The following CACNG1 variants were observed in gnomAD, a reference collection of about 807,000 sequenced individuals.
CACNG1 encodes the protein voltage-dependent calcium channel gamma-1 subunit.
CACNG1 carries 21 observed loss-of-function variants against 22.0 expected under a neutral mutation model. That is an observed-to-expected ratio of 0.95 (90% CI 0.68 to 1.37). The LOEUF (loss-of-function observed/expected upper bound fraction) is 1.37. Ranked by LOEUF, CACNG1 falls within the 40% of genes most tolerant of loss-of-function variation. The pLI is 0.00. For synonymous variants in CACNG1, 127 were observed against 129.2 expected, an observed-to-expected ratio of 0.98 and a Z score of 0.12; for missense variants, 291 against 308.6, an observed-to-expected ratio of 0.94 and a Z score of 0.43.
At chr17:67,050,873 G>A (rs2035724127) in intron 1 of CACNG1, among the ~76,000 whole-genome samples, 1 of 152,188 alleles carries the variant, frequency 6.6e-6, no homozygotes, top group Admixed American at 6.5e-5. Flanking sequence ...AAACCGCTGA[G>A]TCTTACAGAA....
Position 67,056,219 on chromosome 17 carries a change from G to C in CACNG1, c.617G>C (p.Arg206Pro), listed in dbSNP as rs148226819. ...GCCCTCCTGCTGTTCTCCCTGCCTC[G>C]AATGCCCCGGAACCCATGGGAGTCC... ...GLALLLFSLP[R>P]MPRNPWESCM... Residue 206 changes from arginine to proline, a missense_variant, in exon 4 of 4, where the codon CGA (arginine) becomes CCA (proline). Physicochemically the swap from Arg to Pro is moderately radical, Grantham distance 103. Transcript: ENST00000226021. This position sits in a 1 kb window ranked among gnomAD's most constrained non-coding sequence, Gnocchi z 4.3. 3,083 of 1,613,844 alleles carry C rather than the reference G, an allele frequency of 1.9e-3. 50 individuals are homozygous for C. In the African/African-American group the frequency reaches 0.034, roughly 18 times the overall value.
At chr17:67,048,555 G>A (rs2035710947) in intron 1 of CACNG1, among the ~76,000 whole-genome samples, 1 of 152,052 alleles carries the variant, frequency 6.6e-6, no homozygotes, top group Non-Finnish European at 1.5e-5. Context: ...ATGATAAGGG[G>A]CATACATGGG....
chr17:67,044,880 C>T lies in CACNG1; in HGVS notation c.220C>T (p.Leu74=), dbSNP rs1352863092. The T allele has an allele frequency of 6.2e-7, 1 of 1,612,356 alleles. No homozygotes were observed. Among genetic ancestry groups the T allele is most frequent in the Non-Finnish European group, 8.5e-7 (1 of 1,179,582 alleles). The change falls in exon 1 of 4, where the codon CTG becomes TTG. Residue 74 remains leucine, a synonymous_variant. Coordinates refer to ENST00000226021, the MANE Select transcript of CACNG1 (RefSeq NM_000727.4). The surrounding 1 kb of genome is among the most constrained non-coding windows in gnomAD (Gnocchi z 6.9). ...DDSKTCGPIT[L]PGEKNCSYFR... is the part of the protein sequence containing the mutation. ...CAGCAAGACCTGCGGGCCCATCACC[C>T]TGCCCGGGGGTAACGTACCCACCCT...
At position 67,044,626 on chromosome 17, in the gene CACNG1, A is replaced by C. The variant is rs1158008587; in HGVS notation, c.-35A>C. On this transcript the variant is annotated 5_prime_UTR_variant, in exon 1 of 4. Transcript: ENST00000226021. This position sits in a 1 kb window ranked among gnomAD's most constrained non-coding sequence, Gnocchi z 6.9. The stretch of plus-strand genomic sequence containing the variant: ...CTGCCCTAGGAGACGCAGCCGCCGG[A>C]CCCTGCCCAGGGCACCCACGCCTCG... 6.8e-7 allele frequency: 1 copy of C among 1,465,654 alleles called. No homozygotes were observed. Among genetic ancestry groups the C allele is most frequent in the South Asian group, 1.1e-5 (1 of 87,954 alleles). The allele number at this position is 1,465,654 out of a possible 1,614,324, so 90.8% of individuals were successfully genotyped here.
intron 1 of CACNG1, among the ~76,000 whole-genome samples, chr17:67,047,424 A>G (rs2143408891): frequency 6.6e-6 from 1 of 152,258 alleles, no homozygotes; most frequent in Non-Finnish European, 1.5e-5. Flanking sequence ...TCCCTTTCCC[A>G]GCTCTGTGGT....
intron 1 of CACNG1, among the ~76,000 whole-genome samples, chr17:67,052,067 T>A (rs1400145532): frequency 6.6e-6 from 1 of 152,218 alleles, no homozygotes; most frequent in Admixed American, 6.5e-5. Context: ...TGGAGACTTA[T>A]GACATAGCAT....
Position 67,055,308 on chromosome 17 carries a change from C to G in CACNG1, c.442+68C>G. ...TGTCGCGGGGGATTCTCCGCTCCAC[C>G]CTCATGCCCACCGCGAGATTTGGGT... On this transcript the variant is annotated intron_variant, in intron 3 of 3. Transcript: ENST00000226021. The surrounding 1 kb of genome is among the most constrained non-coding windows in gnomAD (Gnocchi z 4.5). 6.5e-7 allele frequency: 1 copy of G among 1,528,000 alleles called. No individual in the cohort carries two copies. The highest frequency in any genetic ancestry group is 8.9e-7 in the Non-Finnish European group (1 of 1,123,896). 94.7% of individuals were successfully genotyped at this position (1,528,000 alleles called of 1,614,324 possible). A position where few individuals can be genotyped will look rare whatever the true frequency, so the allele number is the denominator to read the frequency against.
Position 67,054,986 on chromosome 17 carries a change from CACA to C in CACNG1, c.305-115_305-113del, listed in dbSNP as rs2143420384. 6.8e-6 allele frequency: 7 copies of C among 1,024,128 alleles called. No individual in the cohort carries two copies. Among genetic ancestry groups the C allele is most frequent in the Middle Eastern group, 2.2e-4 (1 of 4,526 alleles). The allele number at this position is 1,024,128 out of a possible 1,614,324, so 63.4% of individuals were successfully genotyped here. On this transcript the variant is annotated intron_variant, in intron 2 of 3. Transcript: ENST00000226021. This position sits in a 1 kb window ranked among gnomAD's most constrained non-coding sequence, Gnocchi z 4.6. ...CACAGAGACACACACTTGACACACA[CACA>C]ATGACACACACAGACACTGACACAC... is the stretch of plus-strand genomic sequence containing the variant.
intron 1 of CACNG1, among the ~76,000 whole-genome samples, chr17:67,052,393 C>T (rs539071758): frequency 6.6e-6 from 1 of 152,254 alleles, no homozygotes; most frequent in Non-Finnish European, 1.5e-5. Flanking sequence ...GAAGGAGGGG[C>T]ATGGTATGAG....
chr17:67,045,669 T>C (rs2035692914), intron 1 of CACNG1, among the ~76,000 whole-genome samples: 1 of 152,040 alleles, frequency 6.6e-6, no homozygotes, highest in South Asian at 2.1e-4. Flanking sequence ...ATTACAGGCA[T>C]GCACCACCAC....
intron 1 of CACNG1, among the ~76,000 whole-genome samples, chr17:67,046,220 C>T (rs990284826): frequency 5.3e-5 from 8 of 152,214 alleles, no homozygotes; most frequent in African/African-American, 1.2e-4. Context: ...ATCCCTTCCT[C>T]GGCTTACAGA....
In CACNG1 at chr17:67,054,247, G is replaced by A. The variant is rs1476573120; in HGVS notation, c.304+177G>A. 1.3e-5 allele frequency among the ~76,000 whole-genome samples: 2 copies of A among 152,184 alleles called. No individual in the cohort carries two copies. The highest frequency in any genetic ancestry group is 2.9e-5 in the Non-Finnish European group (2 of 68,036). ...CCCGCTCCGGAGGCCCCAGGCAGCCGCCTTCCATCTCCAGGGCCCGGAGCT... is the reference window on the plus strand; with the variant it reads ...CCCGCTCCGGAGGCCCCAGGCAGCCACCTTCCATCTCCAGGGCCCGGAGCT... On this transcript the variant is annotated intron_variant, in intron 2 of 3. Coordinates refer to ENST00000226021, the MANE Select transcript of CACNG1 (RefSeq NM_000727.4). This position sits in a 1 kb window ranked among gnomAD's most constrained non-coding sequence, Gnocchi z 4.6.
Position 67,055,929 on chromosome 17 carries a change from G to A in CACNG1, c.443-116G>A. 1.3e-6 allele frequency: 1 copy of A among 756,164 alleles called. No homozygotes were observed. Among genetic ancestry groups the A allele is most frequent in the Non-Finnish European group, 2.2e-6 (1 of 453,790 alleles). 46.8% of individuals were successfully genotyped at this position (756,164 alleles called of 1,614,324 possible). ...GGTTCCCATCTAGAACCTGCCTTGA[G>A]GCAGCTTTTCCCCCAAGGCAAGGTC... On this transcript the variant is annotated intron_variant, in intron 3 of 3. Transcript: ENST00000226021. This position sits in a 1 kb window ranked among gnomAD's most constrained non-coding sequence, Gnocchi z 4.5.
intron 1 of CACNG1, among the ~76,000 whole-genome samples, chr17:67,046,887 A>T (rs114805142): frequency 0.021 from 3,272 of 152,322 alleles, 45 homozygotes; most frequent in Non-Finnish European, 0.025. Flanking sequence ...GCCTGACAGG[A>T]TCTACCTCTT....
chr17:67,055,999 C>G lies in CACNG1; in HGVS notation c.443-46C>G, dbSNP rs772505677. The G allele has an allele frequency of 1.3e-6, 2 of 1,511,636 alleles. No individual in the cohort carries two copies. Among genetic ancestry groups the G allele is most frequent in the Non-Finnish European group, 1.8e-6 (2 of 1,100,820 alleles). 93.6% of individuals were successfully genotyped at this position (1,511,636 alleles called of 1,614,324 possible). A position where few individuals can be genotyped will look rare whatever the true frequency, so the allele number is the denominator to read the frequency against. ...CAGGCTGGGATGGGGCTGGTGGCTA[C>G]GGCAGACGCCCCTCGGTCCCTGAGC... On this transcript the variant is annotated intron_variant, in intron 3 of 3. Transcript: ENST00000226021. The surrounding 1 kb of genome is among the most constrained non-coding windows in gnomAD (Gnocchi z 4.5).
In CACNG1 at chr17:67,056,641, G is replaced by C. The variant is rs973012801; in HGVS notation, c.*370G>C. 8.6e-6 allele frequency: 2 copies of C among 231,900 alleles called. No individual in the cohort carries two copies. The highest frequency in any genetic ancestry group is 4.5e-5 in the African/African-American group (2 of 44,624). The allele number at this position is 231,900 out of a possible 1,614,324, so 14.4% of individuals were successfully genotyped here. ...GGGACAACCTGTGTTTGCCAGCTGG[G>C]TGTTCCGTGTAAATAGCCAGCCTGT... On this transcript the variant is annotated 3_prime_UTR_variant, in exon 4 of 4. Transcript: ENST00000226021. This position sits in a 1 kb window ranked among gnomAD's most constrained non-coding sequence, Gnocchi z 4.3.
chr17:67,055,229 A>G lies in CACNG1; in HGVS notation c.431A>G (p.Tyr144Cys), dbSNP rs755639468. The change falls in exon 3 of 4, where the codon TAT becomes TGT. Residue 144 changes from tyrosine to cysteine, a missense_variant. By Grantham distance (194) the Tyr-to-Cys change is radical. Transcript: ENST00000226021. This position sits in a 1 kb window ranked among gnomAD's most constrained non-coding sequence, Gnocchi z 4.5. Reference protein sequence around the residue: ...DYLLRPASMFYAFAGLCILVS... With the variant: ...DYLLRPASMFCAFAGLCILVS... The stretch of plus-strand genomic sequence containing the variant: ...CTGCTGCGACCCGCGTCCATGTTCT[A>G]TGCCTTTGCAGGTAGACTGGGGGAT... 9.3e-6 allele frequency: 15 copies of G among 1,613,114 alleles called. No homozygotes were observed. Among genetic ancestry groups the G allele is most frequent in the South Asian group, 1.1e-5 (1 of 91,020 alleles).
rs1198734481 is a variant in CACNG1 at position 67,054,855 on chromosome 17, GACAGAC to G, written c.305-242_305-237del. On this transcript the variant is annotated intron_variant, in intron 2 of 3. Coordinates refer to ENST00000226021, the MANE Select transcript of CACNG1 (RefSeq NM_000727.4). This position sits in a 1 kb window ranked among gnomAD's most constrained non-coding sequence, Gnocchi z 4.6. ...ACACACACTGACACACACGTACAAT[GACAGAC>G]ACAGAGACACACACTGACACATATG... Among the ~76,000 whole-genome samples, 2 of 149,098 alleles carry G rather than the reference GACAGAC, an allele frequency of 1.3e-5. No individual in the cohort carries two copies. Among genetic ancestry groups the G allele is most frequent in the Non-Finnish European group, 3.0e-5 (2 of 67,452 alleles).
At chr17:67,048,026 A>G (rs796548729) in intron 1 of CACNG1, among the ~76,000 whole-genome samples, 1 of 152,190 alleles carries the variant, frequency 6.6e-6, no homozygotes, top group South Asian at 2.1e-4. Flanking sequence ...ATAATTGGTC[A>G]CTAAGCTAAT....
Sources: allele counts gnomAD v4.1 joint callset (sites outside exome capture counted in the v4.1 genomes callset), GRCh38; gene constraint gnomAD v4.1.1; non-coding constraint Gnocchi (gnomAD v3.1); transcripts MANE v1.5; gene names NCBI Gene and HGNC (gene_info 2026-07-23, HGNC 2026-07-21).